CNTROB: variants seen among roughly 807,000 people sequenced by gnomAD.
CNTROB encodes centrobin.
CNTROB carries 82 observed loss-of-function variants against 115.7 expected under a neutral mutation model. That is an observed-to-expected ratio of 0.71 (90% CI 0.59 to 0.85). The LOEUF (loss-of-function observed/expected upper bound fraction) is 0.85, where lower values mean the gene tolerates loss of function less well. Ranked by LOEUF, CNTROB falls within the 40% of genes least tolerant of loss-of-function variation. The pLI, the probability that CNTROB is intolerant of heterozygous loss-of-function variation, is 0.00. For missense variants in CNTROB, 1,014 were observed against 1,144.4 expected, an observed-to-expected ratio of 0.89 and a Z score of 1.64; for synonymous variants, 439 against 456.4, an observed-to-expected ratio of 0.96 and a Z score of 0.49.
chr17:7,948,446 G>A lies in CNTROB; in HGVS notation c.2381-41G>A, dbSNP rs1238129400. 1.2e-6 allele frequency: 2 copies of A among 1,612,148 alleles called. No individual in the cohort carries two copies. Among genetic ancestry groups the A allele is most frequent in the Non-Finnish European group, 1.7e-6 (2 of 1,178,388 alleles). On this transcript the variant is annotated intron_variant, in intron 16 of 18. Coordinates refer to ENST00000563694, the MANE Select transcript of CNTROB (RefSeq NM_053051.5). This position sits in a 1 kb window ranked among gnomAD's most constrained non-coding sequence, Gnocchi z 4.4. ...AAATGGGCTGAGGGCTGGGGAGACAGGCCCTAGGATGACGCCTGTGATTAT... is the reference window on the plus strand; with the variant it reads ...AAATGGGCTGAGGGCTGGGGAGACAAGCCCTAGGATGACGCCTGTGATTAT...
chr17:7,945,421 C>A (rs1405076794), intron 12 of CNTROB: 1 of 224,228 alleles, frequency 4.5e-6, no homozygotes, highest in African/African-American at 2.3e-5. Context: ...TTATTTGAGA[C>A]AAGGTCTCAC....
chr17:7,949,603 T>A lies in CNTROB; in HGVS notation c.*93T>A, dbSNP rs1418667952. The A allele has an allele frequency of 7.4e-7, 1 of 1,352,744 alleles. No homozygotes were observed. Among genetic ancestry groups the A allele is most frequent in the African/African-American group, 1.5e-5 (1 of 67,676 alleles). The allele number at this position is 1,352,744 out of a possible 1,614,324, so 83.8% of individuals were successfully genotyped here. A position where few individuals can be genotyped will look rare whatever the true frequency, so the allele number is the denominator to read the frequency against. On this transcript the variant is annotated 3_prime_UTR_variant, in exon 19 of 19. Transcript: ENST00000563694. ...ATCAGAGTCTCTGGCTCATAGGAAT[T>A]TGGAAAATAGAGGTTTTGTAGGGAA...
intron 12 of CNTROB, chr17:7,945,294 C>G (rs958252460): frequency 7.2e-5 from 11 of 152,136 alleles, no homozygotes; most frequent in African/African-American, 2.2e-4. Context: ...CACTTGAGCT[C>G]AGGAGTTCAA....
Position 7,944,354 on chromosome 17 carries a change from C to A in CNTROB, c.1571+106C>A. 1.3e-6 allele frequency: 2 copies of A among 1,552,176 alleles called. No individual in the cohort carries two copies. Among genetic ancestry groups the A allele is most frequent in the Admixed American group, 1.7e-5 (1 of 59,306 alleles). ...GCTCCCTTGATTGATCTGTCCTCCT[C>A]TACATGGGCCCCAGCTCCTTTCAGA... is the stretch of plus-strand genomic sequence containing the variant. On this transcript the variant is annotated intron_variant, in intron 11 of 18. Coordinates refer to ENST00000563694, the MANE Select transcript of CNTROB (RefSeq NM_053051.5). The surrounding 1 kb of genome is among the most constrained non-coding windows in gnomAD (Gnocchi z 4.0).
intron 9 of CNTROB, among the ~76,000 whole-genome samples, chr17:7,940,555 G>T (rs1254843889): frequency 6.6e-6 from 1 of 152,208 alleles, no homozygotes; most frequent in Non-Finnish European, 1.5e-5. Context: ...GCAGGTGAAA[G>T]CTTTTGTCAG....
chr17:7,934,330 G>T, intron 2 of CNTROB, 108 bp downstream of exon 2: 1 of 1,363,064 alleles, frequency 7.3e-7, no homozygotes. Context: ...GAGATTTCAG[G>T]AGAAAAGTCT....
rs1351289927 is a variant in CNTROB at position 7,943,535 on chromosome 17, C to T, written c.1445+11C>T. On this transcript the variant is annotated intron_variant, in intron 10 of 18. Coordinates refer to ENST00000563694, the MANE Select transcript of CNTROB (RefSeq NM_053051.5). The surrounding 1 kb of genome is among the most constrained non-coding windows in gnomAD (Gnocchi z 4.7). Reference sequence around the variant, plus strand: ...CAGGGAACATCACAGGTACGTGGGACTCACTGGGTGTCACTTCTCTCAGCC... The same window carrying T: ...CAGGGAACATCACAGGTACGTGGGATTCACTGGGTGTCACTTCTCTCAGCC... 1 of 1,607,034 alleles carries T rather than the reference C, an allele frequency of 6.2e-7. No individual in the cohort carries two copies. The highest frequency in any genetic ancestry group is 8.5e-7 in the Non-Finnish European group (1 of 1,175,294).
At position 7,947,998 on chromosome 17, in the gene CNTROB, G is replaced by GAAGGTT; in HGVS notation, c.2209+20_2209+25dup. Reference sequence around the variant, plus strand: ...AAGTCTGGTGAGTTCCAACTCTGAAGAAGGTTGGGGCTGGGGCCTAGGAAA... The same window carrying GAAGGTT: ...AAGTCTGGTGAGTTCCAACTCTGAAGAAGGTTAAGGTTGGGGCTGGGGCCTAGGAAA... On this transcript the variant is annotated intron_variant, in intron 15 of 18. Transcript: ENST00000563694. 1 of 1,610,418 alleles carries GAAGGTT rather than the reference G, an allele frequency of 6.2e-7. No homozygotes were observed. Among genetic ancestry groups the GAAGGTT allele is most frequent in the Non-Finnish European group, 8.5e-7 (1 of 1,176,654 alleles).
chr17:7,937,093 A>G (rs1383931640), intron 6 of CNTROB, 71 bp from the exon 7 acceptor site: 10 of 1,568,238 alleles, frequency 6.4e-6, no homozygotes, highest in Middle Eastern at 1.7e-4. Flanking sequence ...TACATTGTCA[A>G]TGCTTTATAA....
In CNTROB at chr17:7,939,713, G is replaced by A. The variant is rs1403118458; in HGVS notation, c.1128G>A (p.Leu376=). Residue 376 remains leucine (L), a synonymous_variant, in exon 8 of 19, where the codon CTG becomes CTA. Coordinates refer to ENST00000563694, the MANE Select transcript of CNTROB (RefSeq NM_053051.5). This position sits in a 1 kb window ranked among gnomAD's most constrained non-coding sequence, Gnocchi z 4.4. ...AGCTTAAGGAACACTACCAGGCGCTGCAGGAGGAGAGCCAGGCTCAGCTGG... is the reference window on the plus strand; with the variant it reads ...AGCTTAAGGAACACTACCAGGCGCTACAGGAGGAGAGCCAGGCTCAGCTGG... The part of the protein sequence containing the change: ...EHQLKEHYQA[L]QEESQAQLER... 1 of 1,614,028 alleles carries A rather than the reference G, an allele frequency of 6.2e-7. No homozygotes were observed. Among genetic ancestry groups the A allele is most frequent in the East Asian group, 2.2e-5 (1 of 44,886 alleles).
At position 7,949,591 on chromosome 17, in the gene CNTROB, G is replaced by T; in HGVS notation, c.*81G>T. The T allele has an allele frequency of 2.9e-6, 4 of 1,398,412 alleles. No individual in the cohort carries two copies. Among genetic ancestry groups the T allele is most frequent in the South Asian group, 1.7e-5 (1 of 60,490 alleles). 86.6% of individuals were successfully genotyped at this position (1,398,412 alleles called of 1,614,324 possible). A position where few individuals can be genotyped will look rare whatever the true frequency, so the allele number is the denominator to read the frequency against. The stretch of plus-strand genomic sequence containing the variant: ...TCATTAGTCTGTATCAGAGTCTCTG[G>T]CTCATAGGAATTTGGAAAATAGAGG... On this transcript the variant is annotated 3_prime_UTR_variant, in exon 19 of 19. Transcript: ENST00000563694.
rs1244172878 is a variant in CNTROB, at chr17:7,948,738, G to A, written c.2513+119G>A. On this transcript the variant is annotated intron_variant, in intron 17 of 18. Transcript: ENST00000563694. The surrounding 1 kb of genome is among the most constrained non-coding windows in gnomAD (Gnocchi z 4.4). ...GTCCTTTTCTGGGGAGGAAAGTGAA[G>A]GATGAGAGGTGGATCCACAGATCTT... 10 of 1,605,128 alleles carry A rather than the reference G, an allele frequency of 6.2e-6. No individual in the cohort carries two copies. Among genetic ancestry groups the A allele is most frequent in the Non-Finnish European group, 8.5e-6 (10 of 1,173,448 alleles).
In CNTROB at chr17:7,933,562, G is replaced by C. The variant is rs551034131; in HGVS notation, c.270+213G>C. Among the ~76,000 whole-genome samples the C allele has an allele frequency of 2.0e-5, 3 of 152,254 alleles. No homozygotes were observed. The East Asian group carries it at 5.8e-4, about 29-fold the overall frequency. ...TTATGAAACTTCCCAGTGTTTTTTT[G>C]TGAGAGACATCTCTGCTCCGAGTAG... On this transcript the variant is annotated intron_variant, in intron 1 of 18. Transcript: ENST00000563694.
Position 7,940,218 on chromosome 17 carries a change from G to A in CNTROB, c.1287G>A (p.Leu429=). 1 of 1,609,872 alleles carries A rather than the reference G, an allele frequency of 6.2e-7. No homozygotes were observed. ...CAGCTCGGAGAGAGAGAGATGCCCTGCAGCTGGAAATGAGCTTGGTGCAGG... is the reference window on the plus strand; with the variant it reads ...CAGCTCGGAGAGAGAGAGATGCCCTACAGCTGGAAATGAGCTTGGTGCAGG... ...LDTARRERDA[L]QLEMSLVQAR... The change falls in exon 9 of 19, where the codon CTG becomes CTA. Residue 429 remains leucine (L), a synonymous_variant. Transcript: ENST00000563694.
chr17:7,937,432 A>G (rs995729112), intron 7 of CNTROB, among the ~76,000 whole-genome samples, 170 bp downstream of exon 7: 4 of 152,208 alleles, frequency 2.6e-5, no homozygotes, highest in Non-Finnish European at 5.9e-5. Context: ...TTAAAAAAAA[A>G]GGCTCTGCTA....
Position 7,949,495 on chromosome 17 carries a change from G to A in CNTROB, c.2697G>A (p.Gly899=), listed in dbSNP as rs1412497317. 13 of 1,613,422 alleles carry A rather than the reference G, an allele frequency of 8.1e-6. No individual in the cohort carries two copies. The highest frequency in any genetic ancestry group is 1.1e-5 in the South Asian group (1 of 91,006). Residue 899 remains glycine (G), a synonymous_variant, in exon 19 of 19, where the codon GGG becomes GGA. Transcript: ENST00000563694. ...HPAPSSMRSR[G]GVWR is the part of the protein sequence containing the mutation. ...CCCCGAGTAGCATGAGGAGCCGGGGGGGAGTCTGGAGATGAGCCCCCCTAC... is the reference window on the plus strand; with the variant it reads ...CCCCGAGTAGCATGAGGAGCCGGGGAGGAGTCTGGAGATGAGCCCCCCTAC...
chr17:7,949,322 G>C, intron 18 of CNTROB, 63 bp from the exon 19 acceptor site: 1 of 1,605,340 alleles, frequency 6.2e-7, no homozygotes, highest in Non-Finnish European at 8.5e-7. Flanking sequence ...CATTTCCTCA[G>C]TGGGGTGGGG....
chr17:7,948,041 T>C lies in CNTROB; in HGVS notation c.2209+62T>C. On this transcript the variant is annotated intron_variant, in intron 15 of 18. Transcript: ENST00000563694. The surrounding 1 kb of genome is among the most constrained non-coding windows in gnomAD (Gnocchi z 4.4). ...CTAGGAAAGATCGGAGTTGGTTATC[T>C]AGGATGAATTTTTAGGAGCTGGCAA... 1 of 1,599,084 alleles carries C rather than the reference T, an allele frequency of 6.3e-7. No individual in the cohort carries two copies. Among genetic ancestry groups the C allele is most frequent in the Non-Finnish European group, 8.6e-7 (1 of 1,166,794 alleles).
In CNTROB at chr17:7,939,968, G is replaced by T; in HGVS notation, c.1165-128G>T. On this transcript the variant is annotated intron_variant, in intron 8 of 18. Coordinates refer to ENST00000563694, the MANE Select transcript of CNTROB (RefSeq NM_053051.5). This position sits in a 1 kb window ranked among gnomAD's most constrained non-coding sequence, Gnocchi z 4.4. ...AAGACTGAAATTCAACAGGGATGGG[G>T]AAATAAAACAAATGGGAGGAGCTGG... is the stretch of plus-strand genomic sequence containing the variant. The T allele has an allele frequency of 8.2e-7, 1 of 1,220,646 alleles. No homozygotes were observed. The highest frequency in any genetic ancestry group is 1.1e-6 in the Non-Finnish European group (1 of 877,370). 75.6% of individuals were successfully genotyped at this position (1,220,646 alleles called of 1,614,324 possible).
Sources: allele counts gnomAD v4.1 joint callset (sites outside exome capture counted in the v4.1 genomes callset), GRCh38; gene constraint gnomAD v4.1.1; non-coding constraint Gnocchi (gnomAD v3.1); transcripts MANE v1.5; gene names NCBI Gene and HGNC (gene_info 2026-07-23, HGNC 2026-07-21).